OR14A2: variants seen among roughly 807,000 people sequenced by gnomAD.
The protein encoded by OR14A2 is olfactory receptor family 14 subfamily A member 2, also known as olfactory receptor 14A2.
For synonymous variants in OR14A2, 114 were observed against 58.6 expected (o/e 1.95, Z -4.32); for missense variants, 237 against 152.9 (o/e 1.55, Z -2.90).
At chr1:247,730,984 G>T in the OR14A2 span, among the ~76,000 whole-genome samples, 5 of 151,906 alleles carry the variant, frequency 3.3e-5, no homozygotes, top group African/African-American at 1.2e-4. Context: ...CAGCTACTTG[G>T]GCACTGTTTA....
chr1:247,732,688 A>G, the OR14A2 span, among the ~76,000 whole-genome samples: 1 of 152,204 alleles, frequency 6.6e-6, no homozygotes, highest in Admixed American at 6.5e-5. Flanking sequence ...ACCAAAACTG[A>G]AAGAAACTAA....
the OR14A2 span, among the ~76,000 whole-genome samples, chr1:247,732,658 T>C: frequency 6.6e-6 from 1 of 152,212 alleles, no homozygotes; most frequent in Non-Finnish European, 1.5e-5. Flanking sequence ...TAAGTGCTTA[T>C]AGAAGTTTTA....
chr1:247,725,860 CTCA>C (rs1248779326), upstream of OR14A2, among the ~76,000 whole-genome samples: 170 of 104,596 alleles, frequency 1.6e-3, 2 homozygotes, highest in African/African-American at 6.9e-3. Flanking sequence ...AGGACATGAA[CTCA>C]TCATTTTTTA....
chr1:247,734,334 T>C, the OR14A2 span, among the ~76,000 whole-genome samples: 1 of 152,154 alleles, frequency 6.6e-6, no homozygotes, highest in African/African-American at 2.4e-5. Flanking sequence ...GACGTCTTGA[T>C]CTCAGATGTG....
At chr1:247,737,978 A>G in the OR14A2 span, among the ~76,000 whole-genome samples, 1 of 152,292 alleles carries the variant, frequency 6.6e-6, no homozygotes, top group East Asian at 1.9e-4. Context: ...TTGAAAACTG[A>G]TTTGTGAAAA....
At chr1:247,738,718 CG>C in the OR14A2 span, 1 of 780,820 alleles carries the variant, frequency 1.3e-6, no homozygotes, top group Non-Finnish European at 2.4e-6. Flanking sequence ...ATCTACCTCA[CG>C]GCTGTGCTGA....
At chr1:247,728,322 C>A (rs1210930633), upstream of OR14A2, among the ~76,000 whole-genome samples, 1 of 152,010 alleles carries the variant, frequency 6.6e-6, no homozygotes, top group Admixed American at 6.6e-5. Context: ...AAGACAAAAA[C>A]CACATGATTA....
chr1:247,747,943 C>A, the OR14A2 span, among the ~76,000 whole-genome samples: 2 of 151,628 alleles, frequency 1.3e-5, no homozygotes, highest in African/African-American at 2.4e-5. Flanking sequence ...CGGAAAGTGA[C>A]CTTCTATACT....
At chr1:247,727,835 A>C (rs1302893398), upstream of OR14A2, among the ~76,000 whole-genome samples, 3 of 148,582 alleles carry the variant, frequency 2.0e-5, no homozygotes, top group South Asian at 2.1e-4. Context: ...GAAATGGATA[A>C]ATTCCTCGAC....
the OR14A2 span, among the ~76,000 whole-genome samples, chr1:247,732,311 G>A: frequency 6.6e-6 from 1 of 152,096 alleles, no homozygotes; most frequent in East Asian, 1.9e-4. Flanking sequence ...CTGTTGTGTT[G>A]CTGTATGAAT....
upstream of OR14A2, among the ~76,000 whole-genome samples, chr1:247,727,266 T>A (rs1325982795): frequency 6.7e-6 from 1 of 148,162 alleles, no homozygotes; most frequent in Non-Finnish European, 1.5e-5. Flanking sequence ...GTAAGTTGGA[T>A]TCCTAGGTAT....
At chr1:247,737,872 T>G in the OR14A2 span, among the ~76,000 whole-genome samples, 1 of 152,148 alleles carries the variant, frequency 6.6e-6, no homozygotes, top group Non-Finnish European at 1.5e-5. Flanking sequence ...TGTCTGTCGC[T>G]TCCTGTGTTT....
chr1:247,738,547 T>C, the OR14A2 span: 1 of 683,004 alleles, frequency 1.5e-6, no homozygotes, highest in Non-Finnish European at 2.7e-6. Flanking sequence ...AAGAAACAAA[T>C]GATACTTTTT....
At chr1:247,735,750 A>T in the OR14A2 span, among the ~76,000 whole-genome samples, 11 of 152,284 alleles carry the variant, frequency 7.2e-5, no homozygotes, top group East Asian at 1.9e-3. Context: ...GAGGACAGAA[A>T]TGGTCAATCA....
At chr1:247,728,283 A>C (rs564669470), upstream of OR14A2, among the ~76,000 whole-genome samples, 145 of 152,272 alleles carry the variant, frequency 9.5e-4, 1 homozygote, top group African/African-American at 2.5e-3. Flanking sequence ...GCAAATCAAT[A>C]AATGTAATCC....
exon 1 of OR14A2, chr1:247,723,997 G>C: frequency 1.4e-6 from 1 of 715,480 alleles, no homozygotes; most frequent in South Asian, 1.5e-5. Context: ...CTGGATATTA[G>C]AAAACCCCAT....
chr1:247,728,181 T>A (rs1288225021), upstream of OR14A2, among the ~76,000 whole-genome samples: 5 of 152,012 alleles, frequency 3.3e-5, no homozygotes, highest in Non-Finnish European at 7.4e-5. Context: ...TCAACAAAAT[T>A]CTGGCAAACC....
the OR14A2 span, among the ~76,000 whole-genome samples, chr1:247,741,161 T>G: frequency 6.6e-6 from 1 of 152,238 alleles, no homozygotes; most frequent in Non-Finnish European, 1.5e-5. Context: ...TGTCATTGTA[T>G]GTATTGTATG....
At chr1:247,727,348 A>G (rs34076128), upstream of OR14A2, among the ~76,000 whole-genome samples, 14,679 of 143,408 alleles carry the variant, frequency 0.1, 1,489 homozygotes, top group African/African-American at 0.27. Flanking sequence ...TGTTGTTGGT[A>G]TGTAAGAATG....
Sources: gnomAD v4.1 joint callset for allele counts (sites outside exome capture counted in the v4.1 genomes callset) on GRCh38, gnomAD v4.1.1 for gene constraint, MANE v1.5 for transcripts, NCBI Gene and HGNC (gene_info 2026-07-23, HGNC 2026-07-21) for gene names.